Variants in ODF2L observed in about 807,000 individuals in gnomAD.
The protein encoded by ODF2L is protein BCAP.
A neutral mutation model predicts 86.3 loss-of-function variants in ODF2L; 76 were observed. The ratio of observed to expected loss-of-function variants is 0.88; its 90% CI spans 0.73 to 1.07. ODF2L has a LOEUF of 1.07. ODF2L is among the 50% of genes least tolerant of loss of function. ODF2L has a pLI of 0.00. For missense variants in ODF2L, 748 were observed against 717.4 expected, an observed-to-expected ratio of 1.04 and a Z score of -0.49; for synonymous variants, 241 against 231.3, an observed-to-expected ratio of 1.04 and a Z score of -0.38.
At chr1:86,371,289 C>G (rs1442526492) in intron 9 of ODF2L, 136 bp from the exon 10 acceptor site, 4 of 459,286 alleles carry the variant, frequency 8.7e-6, no homozygotes, top group Non-Finnish European at 1.5e-5. Flanking sequence ...ATAAATAGAA[C>G]TCATAGAACA....
chr1:86,388,276 C>A (rs985448286), intron 1 of ODF2L, among the ~76,000 whole-genome samples: 2 of 152,002 alleles, frequency 1.3e-5, no homozygotes, highest in Non-Finnish European at 2.9e-5. Flanking sequence ...AAATAAAAAA[C>A]CAAACCTAAA....
intron 11 of ODF2L, among the ~76,000 whole-genome samples, chr1:86,364,495 A>G (rs557436810): frequency 1.8e-4 from 27 of 152,326 alleles, no homozygotes; most frequent in African/African-American, 6.3e-4. Context: ...ACATAAAACA[A>G]TTGCAGAAAA....
exon 18 of ODF2L, chr1:86,351,885 T>A: frequency 9.3e-7 from 1 of 1,071,878 alleles, no homozygotes; most frequent in Non-Finnish European, 1.1e-6. Context: ...TTTTACTAGC[T>A]TTAGCCAAGT....
intron 11 of ODF2L, among the ~76,000 whole-genome samples, chr1:86,364,324 T>C (rs566095992): frequency 3.3e-5 from 5 of 152,312 alleles, no homozygotes; most frequent in South Asian, 2.1e-4. Flanking sequence ...GCAACCTGTA[T>C]GTACACAAAG....
exon 8 of ODF2L, chr1:86,376,308 T>C: frequency 6.2e-7 from 1 of 1,612,816 alleles, no homozygotes; most frequent in Non-Finnish European, 8.5e-7. Flanking sequence ...AAACTTTAGA[T>C]GCCTTTTTTA....
intron 11 of ODF2L, among the ~76,000 whole-genome samples, chr1:86,366,173 T>C (rs1209162021): frequency 1.3e-5 from 2 of 151,988 alleles, no homozygotes; most frequent in Non-Finnish European, 1.5e-5. Context: ...TTTTATTGTC[T>C]CATTTGTAAA....
chr1:86,371,348 G>A (rs11161805), intron 9 of ODF2L, among the ~76,000 whole-genome samples, 195 bp from the exon 10 acceptor site: 48,225 of 151,966 alleles, frequency 0.32, 7,773 homozygotes, highest in East Asian at 0.41. Context: ...AAGTAACTCT[G>A]ATTAGAAACA....
chr1:86,379,053 A>T (rs1007184586), intron 7 of ODF2L, among the ~76,000 whole-genome samples: 3 of 151,892 alleles, frequency 2.0e-5, no homozygotes, highest in Non-Finnish European at 4.4e-5. Flanking sequence ...GCACCTCCCT[A>T]CTTGCTCTCT....
At chr1:86,348,412 T>G (rs1557991746), downstream of ODF2L, 1 of 152,126 alleles carries the variant, frequency 6.6e-6, no homozygotes, top group African/African-American at 2.4e-5. Context: ...GACCAAGACT[T>G]ACTACAAATT....
chr1:86,389,365 T>A (rs897828937), intron 1 of ODF2L, among the ~76,000 whole-genome samples: 85 of 152,130 alleles, frequency 5.6e-4, no homozygotes, highest in African/African-American at 2.0e-3. Flanking sequence ...ACACTATCTA[T>A]CAAAACCTCT....
chr1:86,359,397 T>C (rs377017841), intron 12 of ODF2L, among the ~76,000 whole-genome samples: 1 of 152,150 alleles, frequency 6.6e-6, no homozygotes, highest in Non-Finnish European at 1.5e-5. Context: ...ACCTCAGACC[T>C]GGATGACTGA....
intron 6 of ODF2L, 62 bp downstream of exon 6, chr1:86,382,869 G>GAA: frequency 1.2e-6 from 1 of 806,730 alleles, no homozygotes; most frequent in Non-Finnish European, 2.1e-6. Context: ...GCCAGGATGG[G>GAA]AAAAAAAAGG....
exon 17 of ODF2L, chr1:86,352,964 T>G (rs1176079912): frequency 6.6e-7 from 1 of 1,520,182 alleles, no homozygotes; most frequent in Non-Finnish European, 9.0e-7. Flanking sequence ...TAGATGACAT[T>G]TTCTCTATTT....
rs542725172 is a variant in ODF2L, at chr1:86,370,333, CA to C, written c.1056+684del. On this transcript the variant is annotated intron_variant, in intron 10 of 17. Transcript: ENST00000317336. ...TAGAATTAAACTGTTATAAATACAA[CA>C]AAACAATGTTAGATGCTTATATTAC... Among the ~76,000 whole-genome samples the C allele has an allele frequency of 3.3e-3, 508 of 151,996 alleles. 5 individuals carry two copies. Among genetic ancestry groups the C allele is most frequent in the Non-Finnish European group, 3.5e-3 (237 of 67,960 alleles).
At chr1:86,376,403 T>G in exon 8 of ODF2L, 1 of 1,592,702 alleles carries the variant, frequency 6.3e-7, no homozygotes, top group South Asian at 1.2e-5. Flanking sequence ...CACTTGGCTA[T>G]CTTGGTTTCT....
At chr1:86,348,164 T>A (rs1449193388), downstream of ODF2L, 1 of 152,120 alleles carries the variant, frequency 6.6e-6, no homozygotes, top group Non-Finnish European at 1.5e-5. Flanking sequence ...CACGTTTTCA[T>A]CTGTCATTAG....
chr1:86,354,527 T>C lies in ODF2L; in HGVS notation c.1767+3A>G, dbSNP rs773856034. 2 of 1,576,930 alleles carry C rather than the reference T, an allele frequency of 1.3e-6. No individual in the cohort carries two copies. The highest frequency in any genetic ancestry group is 2.2e-5 in the East Asian group (1 of 44,648). ...AAAGTTTCTAAATAAAGGCCATGCA[T>C]ACCTTTTGTCTTCCTTCTTCTAAAG... is the stretch of plus-strand genomic sequence containing the variant. On this transcript the variant is annotated splice_donor_region_variant and intron_variant, in intron 16 of 17. Coordinates refer to ENST00000317336, the Ensembl canonical transcript of ODF2L.
At position 86,352,809 on chromosome 1, in the gene ODF2L, GAATGTTA is replaced by G. The variant is rs144035347; in HGVS notation, c.1893+43_1893+49del. ...TCACTTTGTATTTTCTACATGGTAA[GAATGTTA>G]AATGTTATCTTTTATAATATGTTAA... On this transcript the variant is annotated intron_variant, in intron 17 of 17. Coordinates refer to ENST00000317336, the Ensembl canonical transcript of ODF2L. The G allele has an allele frequency of 1.2e-3, 1,364 of 1,136,224 alleles. 13 individuals are homozygous for G. In the African/African-American group the frequency reaches 0.017, roughly 14 times the overall value. 70.4% of individuals were successfully genotyped at this position (1,136,224 alleles called of 1,614,324 possible). A position where few individuals can be genotyped will look rare whatever the true frequency, so the allele number is the denominator to read the frequency against.
At chr1:86,382,470 A>G in intron 6 of ODF2L, 112 bp from the exon 7 acceptor site, 1 of 1,519,102 alleles carries the variant, frequency 6.6e-7, no homozygotes, top group Non-Finnish European at 8.8e-7. Flanking sequence ...GCTGATAAAA[A>G]GCAAAGCACT....
Sources: gnomAD v4.1 joint callset for allele counts (sites outside exome capture counted in the v4.1 genomes callset) on GRCh38, gnomAD v4.1.1 for gene constraint, MANE v1.5 for transcripts, NCBI Gene and HGNC (gene_info 2026-07-23, HGNC 2026-07-21) for gene names.